RFC3: variants seen among roughly 807,000 people sequenced by gnomAD.
RFC3 encodes the protein A1 38 kDa subunit.
A neutral mutation model predicts 45.1 loss-of-function variants in RFC3; 41 were observed. The ratio of observed to expected loss-of-function variants is 0.91; its 90% confidence interval spans 0.71 to 1.18. The LOEUF (loss-of-function observed/expected upper bound fraction) is 1.18, where lower values mean the gene tolerates loss of function less well. Among genes scored for constraint, RFC3 ranks in the 50% most tolerant of loss-of-function variants. RFC3 has a pLI of 0.00. For synonymous variants in RFC3, 149 were observed against 144.0 expected (o/e 1.03, Z -0.25); for missense variants, 423 against 428.1 (o/e 0.99, Z 0.10).
intron 8 of RFC3, among the ~76,000 whole-genome samples, chr13:33,889,041 G>A (rs947035049): frequency 6.6e-6 from 1 of 152,142 alleles, no homozygotes; most frequent in Admixed American, 6.5e-5. Flanking sequence ...ATCGCGCCCG[G>A]CCCTTTAAAG....
At chr13:33,934,398 A>T (rs1260245798) in intron 8 of RFC3, among the ~76,000 whole-genome samples, 7 of 152,112 alleles carry the variant, frequency 4.6e-5, no homozygotes, top group Admixed American at 4.6e-4. Flanking sequence ...ACATGATGAG[A>T]CAGTAAGAGG....
chr13:33,930,419 C>T (rs1008158494), intron 8 of RFC3, among the ~76,000 whole-genome samples: 3 of 152,094 alleles, frequency 2.0e-5, no homozygotes, highest in Admixed American at 1.3e-4. Context: ...GGGCAAGGAG[C>T]ATCTAGCACA....
At chr13:33,908,813 C>T (rs1383650409) in intron 8 of RFC3, among the ~76,000 whole-genome samples, 1 of 151,970 alleles carries the variant, frequency 6.6e-6, no homozygotes, top group African/African-American at 2.4e-5. Flanking sequence ...AACCTGAAAG[C>T]CAAAGGTCCA....
intron 8 of RFC3, among the ~76,000 whole-genome samples, chr13:33,913,766 G>A (rs1289074074): frequency 1.3e-5 from 2 of 152,074 alleles, no homozygotes; most frequent in South Asian, 2.1e-4. Flanking sequence ...TTGCTGTTAT[G>A]AGATATCCCA....
intron 8 of RFC3, among the ~76,000 whole-genome samples, chr13:33,910,848 C>T (rs1371546767): frequency 6.6e-6 from 1 of 151,970 alleles, no homozygotes; most frequent in Non-Finnish European, 1.5e-5. Context: ...AACTTACAAT[C>T]ATGGTGGAAG....
intron 8 of RFC3, among the ~76,000 whole-genome samples, chr13:33,858,070 C>G (rs1362025565): frequency 6.6e-6 from 1 of 152,128 alleles, no homozygotes; most frequent in African/African-American, 2.4e-5. Flanking sequence ...AGGATAATTT[C>G]TATATTGTGA....
intron 8 of RFC3, among the ~76,000 whole-genome samples, chr13:33,926,056 T>A (rs2082810171): frequency 6.6e-6 from 1 of 151,794 alleles, no homozygotes; most frequent in Non-Finnish European, 1.5e-5. Context: ...ATGTCCTTTG[T>A]TGGGACATGG....
intron 8 of RFC3, among the ~76,000 whole-genome samples, chr13:33,878,291 C>A (rs76769495): frequency 0.012 from 1,766 of 152,194 alleles, 38 homozygotes; most frequent in African/African-American, 0.041. Context: ...GGTTATACAT[C>A]GTTTTCACTG....
chr13:33,903,321 A>C (rs1223974610), intron 8 of RFC3, among the ~76,000 whole-genome samples: 1 of 152,150 alleles, frequency 6.6e-6, no homozygotes, highest in Non-Finnish European at 1.5e-5. Flanking sequence ...TTGGGTAGAA[A>C]TGTGCAGTCA....
At chr13:33,952,727 CAAG>C (rs2082998470) in intron 8 of RFC3, among the ~76,000 whole-genome samples, 2 of 152,280 alleles carry the variant, frequency 1.3e-5, no homozygotes, top group Non-Finnish European at 2.9e-5. Flanking sequence ...AATAAAAACT[CAAG>C]AACAACCTGT....
chr13:33,875,507 GA>G (rs1191152275), intron 8 of RFC3, among the ~76,000 whole-genome samples: 1 of 152,140 alleles, frequency 6.6e-6, no homozygotes, highest in African/African-American at 2.4e-5. Context: ...TAACTTTTCA[GA>G]AGCCTATGAG....
intron 8 of RFC3, among the ~76,000 whole-genome samples, chr13:33,866,423 G>T (rs758086637): frequency 6.6e-6 from 1 of 152,160 alleles, no homozygotes; most frequent in Non-Finnish European, 1.5e-5. Context: ...GTTTGGAGGT[G>T]GATAATTGAT....
downstream of RFC3, among the ~76,000 whole-genome samples, chr13:33,970,061 A>G (rs1228259579): frequency 6.6e-6 from 1 of 152,064 alleles, no homozygotes; most frequent in East Asian, 1.9e-4. Flanking sequence ...TCCTTTAGCC[A>G]TTCTTCCTGA....
chr13:33,897,125 A>G (rs1288773882), intron 8 of RFC3, among the ~76,000 whole-genome samples: 5 of 152,170 alleles, frequency 3.3e-5, no homozygotes, highest in African/African-American at 4.8e-5. Context: ...TACTGTAACT[A>G]TAGTGTGCAA....
intron 8 of RFC3, among the ~76,000 whole-genome samples, chr13:33,882,937 C>A (rs1406869399): frequency 1.3e-5 from 2 of 152,160 alleles, no homozygotes; most frequent in Admixed American, 1.3e-4. Flanking sequence ...ATGTTTGTGT[C>A]CATTTTTATT....
downstream of RFC3, among the ~76,000 whole-genome samples, chr13:33,841,379 T>C (rs528490016): frequency 6.6e-6 from 1 of 152,336 alleles, no homozygotes; most frequent in African/African-American, 2.4e-5. Context: ...TGCAGTGAGC[T>C]TAAGTGTTGT....
intron 8 of RFC3, among the ~76,000 whole-genome samples, chr13:33,886,223 C>T (rs978054249): frequency 1.3e-5 from 2 of 152,106 alleles, no homozygotes; most frequent in African/African-American, 4.8e-5. Flanking sequence ...GCCTGAACTA[C>T]CCTAGAACCA....
At chr13:33,868,530 G>C (rs916976104) in intron 8 of RFC3, among the ~76,000 whole-genome samples, 1 of 152,232 alleles carries the variant, frequency 6.6e-6, no homozygotes, top group Admixed American at 6.5e-5. Context: ...GTCTTCACTT[G>C]TAACTTTGTA....
In RFC3 at chr13:33,831,327, C is replaced by G. The variant is rs548556523; in HGVS notation, c.782C>G (p.Ala261Gly). The change falls in exon 7 of 9, where the codon GCT becomes GGT. Residue 261 changes from alanine to glycine, a missense_variant. Ala to Gly is a moderately conservative substitution (Grantham distance 60). Transcript: ENST00000380071. Reference sequence around the variant, plus strand: ...GTGTATCTGAGGGAGACTGCAAATGCTATTGTCAGTCAGCAAACTCCACAA... The same window carrying G: ...GTGTATCTGAGGGAGACTGCAAATGGTATTGTCAGTCAGCAAACTCCACAA... ...WEVYLRETAN[A>G]IVSQQTPQRL... 7 of 1,606,756 alleles carry G rather than the reference C, an allele frequency of 4.4e-6. No individual in the cohort carries two copies. Among genetic ancestry groups the G allele is most frequent in the African/African-American group, 4.0e-5 (3 of 74,748 alleles).
Sources: gnomAD v4.1 joint callset for allele counts (sites outside exome capture counted in the v4.1 genomes callset) on GRCh38, gnomAD v4.1.1 for gene constraint, MANE v1.5 for transcripts, NCBI Gene and HGNC (gene_info 2026-07-23, HGNC 2026-07-21) for gene names.